Variants in LDHA observed in about 807,000 individuals in gnomAD.
The protein encoded by LDHA is L-lactate dehydrogenase A chain.
Under a neutral mutation model 36.3 loss-of-function variants are expected in LDHA, and 10 were observed. The ratio of observed to expected loss-of-function variants is 0.28; its 90% CI spans 0.17 to 0.47. The LOEUF is 0.47. LDHA is among the 20% of genes least tolerant of loss of function. The pLI is 0.99. For missense variants in LDHA, 267 were observed against 405.8 expected, an observed-to-expected ratio of 0.66 and a Z score of 2.94; for synonymous variants, 110 against 136.7, an observed-to-expected ratio of 0.80 and a Z score of 1.36.
chr11:18,402,627 T>C (rs1392446507), intron 4 of LDHA: 2 of 513,776 alleles, frequency 3.9e-6, no homozygotes, highest in Non-Finnish European at 7.0e-6. Context: ...TTAATGGACT[T>C]GATATACATA....
In LDHA at chr11:18,398,904, G is replaced by A. The variant is rs188565096; in HGVS notation, c.127-527G>A. The A allele has an allele frequency of 9.1e-4, 155 of 171,190 alleles. 1 individual carries two copies. The highest frequency in any genetic ancestry group is 1.4e-3 in the Non-Finnish European group (109 of 78,336). 10.6% of individuals were successfully genotyped at this position (171,190 alleles called of 1,614,324 possible). On this transcript the variant is annotated intron_variant, in intron 2 of 7. Transcript: ENST00000422447. ...GCTGGGATTACAAGCGTGAGCCACC[G>A]TGCCTGGCCTGGCCAGGCTGTCTTG...
At chr11:18,396,790 A>G (rs1336300094) in intron 1 of LDHA, 29 bp from the exon 2 acceptor site, 1 of 1,563,362 alleles carries the variant, frequency 6.4e-7, no homozygotes, top group South Asian at 1.2e-5. Flanking sequence ...AAGAAGCTGT[A>G]GTGACACTAA....
chr11:18,398,433 C>T (rs748247526), intron 2 of LDHA, among the ~76,000 whole-genome samples: 1 of 151,496 alleles, frequency 6.6e-6, no homozygotes, highest in Non-Finnish European at 1.5e-5. Flanking sequence ...CGCTTTGTTG[C>T]CCTGGCTGGA....
chr11:18,397,296 T>G (rs1408794611), intron 2 of LDHA: 1 of 191,056 alleles, frequency 5.2e-6, no homozygotes, highest in Admixed American at 6.1e-5. Context: ...ATTTTTGAAT[T>G]GAAAATGACA....
chr11:18,403,049 GATT>G (rs759966214), intron 5 of LDHA, 36 bp downstream of exon 5: 4 of 1,571,760 alleles, frequency 2.5e-6, no homozygotes, highest in Non-Finnish European at 1.8e-6. Flanking sequence ...TTTTTGAAAA[GATT>G]ATATAAAAAG....
chr11:18,400,152 T>C (rs1425731107), intron 3 of LDHA: 1 of 176,802 alleles, frequency 5.7e-6, no homozygotes, highest in South Asian at 1.2e-4. Context: ...CCCACATCCT[T>C]TCACACACGA....
At chr11:18,402,613 A>G (rs181971767) in intron 4 of LDHA, 7 of 467,912 alleles carry the variant, frequency 1.5e-5, no homozygotes, top group Middle Eastern at 6.2e-4. Context: ...TACTTTTTGA[A>G]TAATTAATGG....
At chr11:18,402,134 T>G (rs983554620) in intron 4 of LDHA, among the ~76,000 whole-genome samples, 3 of 151,720 alleles carry the variant, frequency 2.0e-5, no homozygotes, top group Non-Finnish European at 2.9e-5. Flanking sequence ...TTTTGAAGTT[T>G]TAGTAGAAAG....
intron 4 of LDHA, among the ~76,000 whole-genome samples, chr11:18,401,381 C>A (rs1259287939): frequency 6.6e-6 from 1 of 150,998 alleles, no homozygotes; most frequent in Non-Finnish European, 1.5e-5. Context: ...GAACTCCTGG[C>A]CTCAAGCAGT....
Position 18,394,650 on chromosome 11 carries a change from C to T in LDHA, c.-25+14C>T. On this transcript the variant is annotated intron_variant, in intron 1 of 7. Coordinates refer to ENST00000422447, the MANE Select transcript of LDHA (RefSeq NM_005566.4). ...CGTGCATTCCCGGTACGGTAGGGCCCTGCGCGCACGGCGCCAGAGGGATGG... is the reference window on the plus strand; with the variant it reads ...CGTGCATTCCCGGTACGGTAGGGCCTTGCGCGCACGGCGCCAGAGGGATGG... 1 of 453,996 alleles carries T rather than the reference C, an allele frequency of 2.2e-6. No homozygotes were observed. Among genetic ancestry groups the T allele is most frequent in the Non-Finnish European group, 4.4e-6 (1 of 226,714 alleles). 28.1% of individuals were successfully genotyped at this position (453,996 alleles called of 1,614,324 possible).
At chr11:18,394,864 G>A (rs993175978) in intron 1 of LDHA, 6 of 353,728 alleles carry the variant, frequency 1.7e-5, no homozygotes, top group African/African-American at 1.3e-4. Flanking sequence ...CATGGCTTCT[G>A]GCCACGCTGG....
chr11:18,405,356 T>G (rs554879531), intron 6 of LDHA, 93 bp from the exon 7 acceptor site: 1 of 1,266,088 alleles, frequency 7.9e-7, no homozygotes, highest in African/African-American at 1.5e-5. Flanking sequence ...GTGGCATTAT[T>G]TACTGTAAAA....
Position 18,396,946 on chromosome 11 carries a change from G to C in LDHA, c.104G>C (p.Cys35Ser), listed in dbSNP as rs200846527. 1.9e-6 allele frequency: 3 copies of C among 1,614,144 alleles called. No individual in the cohort carries two copies. Among genetic ancestry groups the C allele is most frequent in the Non-Finnish European group, 2.5e-6 (3 of 1,180,002 alleles). ...VVGVGAVGMA[C>S]AISILMKDLA... ...GGGGTTGGTGCTGTTGGCATGGCCT[G>C]TGCCATCAGTATCTTAATGAAGGTA... The change falls in exon 2 of 8, where the codon TGT (cysteine) becomes TCT (serine). Residue 35 changes from cysteine to serine, a missense_variant. Transcript: ENST00000422447.
Position 18,402,910 on chromosome 11 carries a change from C to T in LDHA, c.489C>T (p.Cys163=). ...AAAACCGTGTTATTGGAAGCGGTTG[C>T]AATCTGGATTCAGCCCGATTCCGTT... ...FPKNRVIGSG[C]NLDSARFRYL... is the part of the protein sequence containing the mutation. The change falls in exon 5 of 8, where the codon TGC becomes TGT. Residue 163 remains cysteine (C), a synonymous_variant. Transcript: ENST00000422447. 1.9e-6 allele frequency: 3 copies of T among 1,612,030 alleles called. No individual in the cohort carries two copies. Among genetic ancestry groups the T allele is most frequent in the Non-Finnish European group, 2.5e-6 (3 of 1,178,132 alleles).
intron 2 of LDHA, among the ~76,000 whole-genome samples, chr11:18,397,655 CA>C (rs1258054419): frequency 6.6e-5 from 10 of 151,892 alleles, no homozygotes; most frequent in African/African-American, 2.4e-4. Flanking sequence ...ACTAGAAATA[CA>C]AAAAATTAGC....
In LDHA at chr11:18,403,927, G is replaced by A. The variant is rs538423002; in HGVS notation, c.710+116G>A. 6 of 728,366 alleles carry A rather than the reference G, an allele frequency of 8.2e-6. No homozygotes were observed. The East Asian group carries it at 1.7e-4, about 20-fold the overall frequency. The allele number at this position is 728,366 out of a possible 1,614,324, so 45.1% of individuals were successfully genotyped here. A position where few individuals can be genotyped will look rare whatever the true frequency, so the allele number is the denominator to read the frequency against. On this transcript the variant is annotated intron_variant, in intron 6 of 7. Coordinates refer to ENST00000422447, the MANE Select transcript of LDHA (RefSeq NM_005566.4). ...AACTTTTTGTTAGAAAACTTGTGTG[G>A]TTTTTTTGTTTTGTTTTGTTTGAGA... is the stretch of plus-strand genomic sequence containing the variant.
chr11:18,406,898 C>T (rs1253374806), intron 7 of LDHA, among the ~76,000 whole-genome samples: 2 of 148,962 alleles, frequency 1.3e-5, no homozygotes, highest in Non-Finnish European at 3.0e-5. Context: ...CCTGTAGTCC[C>T]AGAAGGCTGA....
chr11:18,396,701 A>G (rs1866317313), intron 1 of LDHA, 118 bp from the exon 2 acceptor site: 1 of 1,355,768 alleles, frequency 7.4e-7, no homozygotes, highest in African/African-American at 1.5e-5. Context: ...CTTTTTAGTC[A>G]TCTCTAGTGA....
Position 18,402,936 on chromosome 11 carries a change from A to G in LDHA, c.515A>G (p.Tyr172Cys). The G allele has an allele frequency of 6.2e-7, 1 of 1,613,004 alleles. No individual in the cohort carries two copies. Residue 172 changes from tyrosine to cysteine, a missense_variant, in exon 5 of 8, where the codon TAC becomes TGC. Physicochemically the swap from Tyr to Cys is radical, Grantham distance 194. Coordinates refer to ENST00000422447, the MANE Select transcript of LDHA (RefSeq NM_005566.4). ...GCNLDSARFRYLMGERLGVHP... is the reference protein window; with the variant it reads ...GCNLDSARFRCLMGERLGVHP... ...AATCTGGATTCAGCCCGATTCCGTT[A>G]CCTAATGGGGGAAAGGCTGGGAGTT...
Sources: allele counts gnomAD v4.1 joint callset (sites outside exome capture counted in the v4.1 genomes callset), GRCh38; gene constraint gnomAD v4.1.1; transcripts MANE v1.5; gene names NCBI Gene and HGNC (gene_info 2026-07-23, HGNC 2026-07-21).